The following SEPTIN6 variants were observed in gnomAD, a reference collection of about 807,000 sequenced individuals.
SEPTIN6 encodes the protein septin 6.
SEPTIN6 carries 8 observed loss-of-function variants against 33.6 expected under a neutral mutation model. The ratio of observed to expected loss-of-function variants is 0.24; its 90% CI spans 0.14 to 0.43. SEPTIN6 has a LOEUF of 0.43. Among genes scored for constraint, SEPTIN6 ranks in the 20% least tolerant of loss-of-function variants. SEPTIN6 has a pLI of 1.00. For missense variants in SEPTIN6, 250 were observed against 340.8 expected, an observed-to-expected ratio of 0.73 and a Z score of 2.10; for synonymous variants, 131 against 140.0, an observed-to-expected ratio of 0.94 and a Z score of 0.45.
At chrX:119,643,511 C>T (rs2054191964) in intron 5 of SEPTIN6, among the ~76,000 whole-genome samples, 1 of 110,858 alleles carries the variant, frequency 9.0e-6, no homozygotes, top group Non-Finnish European at 1.9e-5. Flanking sequence ...ACTTGCTTCC[C>T]CCTCTTTCTC....
chrX:119,673,858 AAAAG>A (rs1238069380), intron 2 of SEPTIN6, among the ~76,000 whole-genome samples: 8 of 108,284 alleles, frequency 7.4e-5, no homozygotes, highest in Admixed American at 2.0e-4. Context: ...AAAAAAAAAA[AAAAG>A]AAAGAAAGAA....
chrX:119,618,112 C>T lies in SEPTIN6; in HGVS notation c.*1981G>A. On this transcript the variant is annotated 3_prime_UTR_variant, in exon 11 of 11. Coordinates refer to ENST00000394610, the MANE Select transcript of SEPTIN6 (RefSeq NM_145799.4). ...AATATGAAGCCTTTCCCAAGGAGACCTGACAGGCCTAACTCAGCATCTCTC... is the reference window on the plus strand; with the variant it reads ...AATATGAAGCCTTTCCCAAGGAGACTTGACAGGCCTAACTCAGCATCTCTC... 1.2e-6 allele frequency: 1 copy of T among 802,687 alleles called. No individual in the cohort carries two copies. Among genetic ancestry groups the T allele is most frequent in the East Asian group, 7.1e-5 (1 of 14,137 alleles). The allele number at this position is 802,687 out of a possible 1,213,427, so 66.2% of individuals were successfully genotyped here. A position where few individuals can be genotyped will look rare whatever the true frequency, so the allele number is the denominator to read the frequency against.
chrX:119,637,108 G>A lies in SEPTIN6; in HGVS notation c.875C>T (p.Thr292Ile). The A allele has an allele frequency of 1.7e-6, 2 of 1,211,226 alleles. No homozygotes were observed. The highest frequency in any genetic ancestry group is 3.5e-5 in the African/African-American group (2 of 57,774). The stretch of plus-strand genomic sequence containing the variant: ...GCGGCGATACAGCTCATAGTGCCGG[G>A]TGTGGGTCTGCTCCCGCAGATCCTC... ...NMEDLREQTH[T>I]RHYELYRRCK... Residue 292 changes from threonine (T) to isoleucine (I), a missense_variant, in exon 7 of 11, where the codon ACC becomes ATC. By Grantham distance (89) the Thr-to-Ile change is moderately conservative. Transcript: ENST00000394610.
In SEPTIN6 at chrX:119,671,437, G is replaced by A. The variant is rs754610284; in HGVS notation, c.145+4117C>T. Among the ~76,000 whole-genome samples, 70 of 108,409 alleles carry A rather than the reference G, an allele frequency of 6.5e-4. 1 individual carries two copies. The highest frequency in any genetic ancestry group is 2.8e-3 in the Admixed American group (29 of 10,183). The allele number at this position is 108,409 out of a possible 115,157, so 94.1% of individuals were successfully genotyped here. A position where few individuals can be genotyped will look rare whatever the true frequency, so the allele number is the denominator to read the frequency against. On this transcript the variant is annotated intron_variant, in intron 2 of 10. Transcript: ENST00000394610. ...TGAGTAGCTGGGACTACAGGCGCCCGCCACCACGCCTGGCTAACTTTTTTG... is the reference window on the plus strand; with the variant it reads ...TGAGTAGCTGGGACTACAGGCGCCCACCACCACGCCTGGCTAACTTTTTTG...
chrX:119,665,386 G>A (rs776904459), intron 2 of SEPTIN6, among the ~76,000 whole-genome samples: 2 of 112,095 alleles, frequency 1.8e-5, no homozygotes, highest in South Asian at 7.3e-4. Flanking sequence ...TTACAGGCAT[G>A]AGCCACCGTG....
At chrX:119,680,477 G>A (rs1288197527) in intron 1 of SEPTIN6, among the ~76,000 whole-genome samples, 1 of 108,115 alleles carries the variant, frequency 9.2e-6, no homozygotes. Context: ...CCAAAGTGCT[G>A]GGATTACAGG....
In SEPTIN6 at chrX:119,619,899, C is replaced by A; in HGVS notation, c.*194G>T. The A allele has an allele frequency of 9.0e-7, 1 of 1,113,476 alleles. No homozygotes were observed. Among genetic ancestry groups the A allele is most frequent in the South Asian group, 2.3e-5 (1 of 44,238 alleles). 91.8% of individuals were successfully genotyped at this position (1,113,476 alleles called of 1,213,427 possible). On this transcript the variant is annotated 3_prime_UTR_variant, in exon 11 of 11. Coordinates refer to ENST00000394610, the MANE Select transcript of SEPTIN6 (RefSeq NM_145799.4). ...CTTCTTGACCAGCGGCCAGACATCACCCTCAGATTCTCAGGTTTCTATAAA... is the reference window on the plus strand; with the variant it reads ...CTTCTTGACCAGCGGCCAGACATCAACCTCAGATTCTCAGGTTTCTATAAA...
Position 119,683,436 on chromosome X carries a change from C to T in SEPTIN6, c.31-7768G>A, listed in dbSNP as rs1281948843. Among the ~76,000 whole-genome samples, 3 of 112,256 alleles carry T rather than the reference C, an allele frequency of 2.7e-5. No homozygotes were observed. The East Asian group carries it at 8.3e-4, about 31-fold the overall frequency. ...GCAAATCTCCAAGACTATGAATCAT[C>T]GGTTCAGTGATACATGATGGAATAT... On this transcript the variant is annotated intron_variant, in intron 1 of 10. Coordinates refer to ENST00000394610, the MANE Select transcript of SEPTIN6 (RefSeq NM_145799.4).
At chrX:119,674,466 C>T (rs754240448) in intron 2 of SEPTIN6, among the ~76,000 whole-genome samples, 1 of 112,321 alleles carries the variant, frequency 8.9e-6, no homozygotes, top group Admixed American at 9.4e-5. Flanking sequence ...CGTGAGCCAC[C>T]GTGCCCGGCC....
chrX:119,637,023 G>GT lies in SEPTIN6; in HGVS notation c.956+3dup. The stretch of plus-strand genomic sequence containing the variant: ...GGGCTGGGCTGGGCTGGCAGGAGCG[G>GT]TACCTGAAGGGTTTGCTGTCAGGGT... On this transcript the variant is annotated splice_donor_region_variant and intron_variant, in intron 7 of 10. Coordinates refer to ENST00000394610, the MANE Select transcript of SEPTIN6 (RefSeq NM_145799.4). The GT allele has an allele frequency of 8.3e-7, 1 of 1,209,213 alleles. No individual in the cohort carries two copies. Among genetic ancestry groups the GT allele is most frequent in the Non-Finnish European group, 1.1e-6 (1 of 894,225 alleles).
At chrX:119,673,521 G>A (rs2054783689) in intron 2 of SEPTIN6, among the ~76,000 whole-genome samples, 3 of 110,709 alleles carry the variant, frequency 2.7e-5, no homozygotes, top group African/African-American at 9.8e-5. Context: ...GCTGGGGATA[G>A]AGGAAAAAAA....
chrX:119,637,522 C>T (rs992593584), intron 6 of SEPTIN6, among the ~76,000 whole-genome samples: 1 of 110,861 alleles, frequency 9.0e-6, no homozygotes, highest in Non-Finnish European at 1.9e-5. Context: ...TCTGTCCATC[C>T]ATCCATCCAT....
intron 3 of SEPTIN6, 33 bp from the exon 4 acceptor site, chrX:119,653,073 C>T (rs1274981833): frequency 5.3e-6 from 6 of 1,138,144 alleles, no homozygotes; most frequent in South Asian, 2.0e-5. Flanking sequence ...AGGCGGATCC[C>T]GTCAAAAACT....
intron 1 of SEPTIN6, 53 bp downstream of exon 1, chrX:119,693,020 CCTT>C: frequency 1.8e-6 from 2 of 1,140,244 alleles, no homozygotes; most frequent in Non-Finnish European, 2.4e-6. Flanking sequence ...GGCCAGGTCT[CCTT>C]GACCCTCACC....
chrX:119,655,591 G>A (rs1368562344), intron 3 of SEPTIN6, among the ~76,000 whole-genome samples: 2 of 111,371 alleles, frequency 1.8e-5, no homozygotes, highest in African/African-American at 6.5e-5. Flanking sequence ...TCCCATGGAA[G>A]GGCAGAGAGG....
chrX:119,661,437 A>T lies in SEPTIN6; in HGVS notation c.341+2045T>A, dbSNP rs369222736. Among the ~76,000 whole-genome samples, 31 of 111,136 alleles carry T rather than the reference A, an allele frequency of 2.8e-4. No homozygotes were observed. In the East Asian group the frequency reaches 5.3e-3, roughly 19 times the overall value. On this transcript the variant is annotated intron_variant, in intron 3 of 10. Transcript: ENST00000394610. ...CAGAGCGAGACTCCGTCTCAAAAAA[A>T]ATAAAATAAAATAAAAAGAAGCTAC...
At chrX:119,643,567 C>G (rs1489005903) in intron 5 of SEPTIN6, among the ~76,000 whole-genome samples, 3 of 111,411 alleles carry the variant, frequency 2.7e-5, no homozygotes, top group Non-Finnish European at 5.7e-5. Flanking sequence ...ATAGCCCCAG[C>G]CCTCCCACAG....
intron 1 of SEPTIN6, 28 bp downstream of exon 1, chrX:119,693,048 G>T: frequency 8.6e-7 from 1 of 1,169,102 alleles, no homozygotes; most frequent in Non-Finnish European, 1.1e-6. Context: ...CCTCGGCCCC[G>T]GCCCTGGCAC....
chrX:119,617,025 A>G lies in SEPTIN6; in HGVS notation c.*3068T>C. Reference sequence around the variant, plus strand: ...TGCCAAATGATTAAAACAAAAAAACAAAAACAAGAGCCATCTACACTGCAG... The same window carrying G: ...TGCCAAATGATTAAAACAAAAAAACGAAAACAAGAGCCATCTACACTGCAG... On this transcript the variant is annotated 3_prime_UTR_variant, in exon 11 of 11. Coordinates refer to ENST00000394610, the MANE Select transcript of SEPTIN6 (RefSeq NM_145799.4). 1.0e-6 allele frequency: 1 copy of G among 965,862 alleles called. No homozygotes were observed. Among genetic ancestry groups the G allele is most frequent in the Non-Finnish European group, 1.3e-6 (1 of 769,240 alleles). The allele number at this position is 965,862 out of a possible 1,213,427, so 79.6% of individuals were successfully genotyped here.
Sources: gnomAD v4.1 joint callset for allele counts (sites outside exome capture counted in the v4.1 genomes callset) on GRCh38, gnomAD v4.1.1 for gene constraint, MANE v1.5 for transcripts, NCBI Gene and HGNC (gene_info 2026-07-23, HGNC 2026-07-21) for gene names.